The following CUX2 variants were observed in gnomAD, a reference collection of about 807,000 sequenced individuals.
The protein encoded by CUX2 is cut like homeobox 2.
A neutral mutation model predicts 144.8 loss-of-function variants in CUX2; 40 were observed. That is an observed-to-expected ratio of 0.28 (90% CI 0.21 to 0.36). The LOEUF (loss-of-function observed/expected upper bound fraction) is 0.36. CUX2 is among the 10% of genes least tolerant of loss of function. The pLI is 1.00. For missense variants in CUX2, 1,615 were observed against 1,994.0 expected, an observed-to-expected ratio of 0.81 and a Z score of 3.62; for synonymous variants, 827 against 875.6, an observed-to-expected ratio of 0.94 and a Z score of 0.98.
rs1713597212 is a variant in CUX2 at position 111,277,435 on chromosome 12, T to C, written c.301+13596T>C. Among the ~76,000 whole-genome samples the C allele has an allele frequency of 6.6e-6, 1 of 151,952 alleles. No individual in the cohort carries two copies. The highest frequency in any genetic ancestry group is 1.5e-5 in the Non-Finnish European group (1 of 67,992). ...CGTTTCTCCTGGTATTTCCTGTGTC[T>C]AGTATACTCCCCCGCGACCCCCCTG... On this transcript the variant is annotated intron_variant, in intron 4 of 21. Transcript: ENST00000261726. This position sits in a 1 kb window ranked among gnomAD's most constrained non-coding sequence, Gnocchi z 5.0.
intron 21 of CUX2, 43 bp downstream of exon 21, chr12:111,342,096 A>G: frequency 6.4e-7 from 1 of 1,568,122 alleles, no homozygotes; most frequent in Non-Finnish European, 8.6e-7. Flanking sequence ...GGCAGAATCC[A>G]GGTGGGACCC....
chr12:111,316,216 A>G (rs1440730577), intron 16 of CUX2, among the ~76,000 whole-genome samples: 1 of 147,508 alleles, frequency 6.8e-6, no homozygotes, highest in Non-Finnish European at 1.5e-5. Flanking sequence ...ATCTCGGCTC[A>G]CCACAACCTC....
chr12:111,213,987 C>CA (rs1196754224), intron 1 of CUX2, among the ~76,000 whole-genome samples: 2 of 151,492 alleles, frequency 1.3e-5, no homozygotes, highest in Non-Finnish European at 2.9e-5. Flanking sequence ...TTCCGACGAG[C>CA]AAAAAAAGCT....
chr12:111,100,700 C>T (rs1263878273), intron 1 of CUX2, among the ~76,000 whole-genome samples: 2 of 152,182 alleles, frequency 1.3e-5, no homozygotes, highest in African/African-American at 4.8e-5. Flanking sequence ...ATGTATTTTG[C>T]ATGTGTGTGC....
At chr12:111,332,004 C>T (rs1177856196) in intron 18 of CUX2, among the ~76,000 whole-genome samples, 4 of 151,464 alleles carry the variant, frequency 2.6e-5, no homozygotes, top group Admixed American at 2.6e-4. Context: ...CACTTGAACC[C>T]AGGAGGCTAG....
intron 1 of CUX2, among the ~76,000 whole-genome samples, chr12:111,110,483 TCTGC>T (rs1273562293): frequency 2.0e-5 from 3 of 152,232 alleles, no homozygotes; most frequent in African/African-American, 7.2e-5. Flanking sequence ...AAGTGTTACC[TCTGC>T]CTTTATCTGA....
chr12:111,251,277 AGTCTTACGTG>A (rs1418347750), intron 3 of CUX2, among the ~76,000 whole-genome samples: 1 of 152,192 alleles, frequency 6.6e-6, no homozygotes, highest in Non-Finnish European at 1.5e-5. Flanking sequence ...ATTTAAATGC[AGTCTTACGTG>A]GAGGCCTGGA....
chr12:111,144,806 C>T (rs1388656294), intron 1 of CUX2, among the ~76,000 whole-genome samples: 1 of 152,152 alleles, frequency 6.6e-6, no homozygotes, highest in Admixed American at 6.6e-5. Context: ...GGAGGGGGTG[C>T]CTATCCAAGG....
At chr12:111,319,937 G>T in intron 16 of CUX2, 75 bp from the exon 17 acceptor site, 1 of 1,405,322 alleles carries the variant, frequency 7.1e-7, no homozygotes, top group Non-Finnish European at 9.2e-7. Flanking sequence ...CATCAACAGG[G>T]ATGCTGTGAA....
At chr12:111,285,394 A>G (rs1885328445) in intron 4 of CUX2, among the ~76,000 whole-genome samples, 1 of 152,096 alleles carries the variant, frequency 6.6e-6, no homozygotes, top group African/African-American at 2.4e-5. Context: ...GGGGCATCTT[A>G]ATTGACAGCT....
At chr12:111,090,618 C>T (rs1042667628) in intron 1 of CUX2, among the ~76,000 whole-genome samples, 1 of 152,174 alleles carries the variant, frequency 6.6e-6, no homozygotes, top group African/African-American at 2.4e-5. Context: ...AGGTGATTTC[C>T]ACCTCCCCAT....
intron 1 of CUX2, among the ~76,000 whole-genome samples, chr12:111,202,478 G>T (rs1880657968): frequency 6.6e-6 from 1 of 152,250 alleles, no homozygotes; most frequent in Non-Finnish European, 1.5e-5. Context: ...ACAGGAGCAG[G>T]CTTGTTTTCC....
At chr12:111,212,233 G>A (rs1478990010) in intron 1 of CUX2, among the ~76,000 whole-genome samples, 1 of 152,206 alleles carries the variant, frequency 6.6e-6, no homozygotes, top group Non-Finnish European at 1.5e-5. Flanking sequence ...TGATGAACCA[G>A]AATTCCCCCT....
Position 111,322,643 on chromosome 12 carries a change from TC to T in CUX2, c.2926+65del, listed in dbSNP as rs1887593597. ...AACTTCCCACCTGCGCAGTGGCATG[TC>T]CGCCTGGCTTTACTGCCCGAGTCTA... On this transcript the variant is annotated intron_variant, in intron 18 of 21. Coordinates refer to ENST00000261726, the MANE Select transcript of CUX2 (RefSeq NM_015267.4). This position sits in a 1 kb window ranked among gnomAD's most constrained non-coding sequence, Gnocchi z 4.2. The T allele has an allele frequency of 1.3e-6, 2 of 1,563,228 alleles. No homozygotes were observed. The highest frequency in any genetic ancestry group is 1.7e-6 in the Non-Finnish European group (2 of 1,161,404).
chr12:111,317,889 A>C (rs147678011), intron 16 of CUX2, among the ~76,000 whole-genome samples: 2,971 of 152,158 alleles, frequency 0.02, 114 homozygotes, highest in African/African-American at 0.067. Context: ...AATCCCAGCT[A>C]CTCGGGAGGC....
intron 1 of CUX2, among the ~76,000 whole-genome samples, chr12:111,105,251 G>T (rs1314150135): frequency 6.6e-6 from 1 of 152,208 alleles, no homozygotes; most frequent in Non-Finnish European, 1.5e-5. Context: ...ATATTTGGGG[G>T]TGATTAAAAG....
chr12:111,289,291 GC>G lies in CUX2; in HGVS notation c.302-2126del, dbSNP rs781162439. On this transcript the variant is annotated intron_variant, in intron 4 of 21. Coordinates refer to ENST00000261726, the MANE Select transcript of CUX2 (RefSeq NM_015267.4). This position sits in a 1 kb window ranked among gnomAD's most constrained non-coding sequence, Gnocchi z 4.1. ...TCTGCACCTGCTGGGGCTGTCAAGA[GC>G]AGGCACTAGGACAGGAGGCCTTTGT... Among the ~76,000 whole-genome samples, 47 of 152,300 alleles carry G rather than the reference GC, an allele frequency of 3.1e-4. No individual in the cohort carries two copies. The highest frequency in any genetic ancestry group is 1.6e-3 in the Admixed American group (25 of 15,292).
At chr12:111,099,561 C>T in intron 1 of CUX2, 3 of 456,686 alleles carry the variant, frequency 6.6e-6, no homozygotes, top group Non-Finnish European at 1.3e-5. Context: ...GCAGACCTGC[C>T]ATTTGAAAGC....
At chr12:111,299,969 C>A (rs1431025600) in intron 9 of CUX2, among the ~76,000 whole-genome samples, 1 of 152,212 alleles carries the variant, frequency 6.6e-6, no homozygotes, top group Non-Finnish European at 1.5e-5. Context: ...GCCTTGACTT[C>A]CCCGGCTCAG....
Sources: gnomAD v4.1 joint callset for allele counts (sites outside exome capture counted in the v4.1 genomes callset) on GRCh38, gnomAD v4.1.1 for gene constraint, Gnocchi (gnomAD v3.1) non-coding constraint, MANE v1.5 for transcripts, NCBI Gene and HGNC (gene_info 2026-07-23, HGNC 2026-07-21) for gene names.